Variants in NT5DC4 observed in about 807,000 individuals in gnomAD.
The protein encoded by NT5DC4 is 5'-nucleotidase domain containing 4, also known as 5'-nucleotidase domain-containing protein 4.
NT5DC4 carries 44 observed loss-of-function variants against 26.6 expected under a neutral mutation model. The ratio of observed to expected loss-of-function variants is 1.65; its 90% CI spans 1.30 to 2.13. The LOEUF is 2.13. Ranked by LOEUF, NT5DC4 falls within the 30% of genes most tolerant of loss-of-function variation. The pLI is 0.00. For missense variants in NT5DC4, 399 were observed against 228.1 expected, an observed-to-expected ratio of 1.75 and a Z score of -4.83; for synonymous variants, 157 against 86.7, an observed-to-expected ratio of 1.81 and a Z score of -4.51.
At chr2:112,724,538 T>C (rs898890005) in intron 10 of NT5DC4, 1 of 583,112 alleles carries the variant, frequency 1.7e-6, no homozygotes, top group African/African-American at 1.9e-5. Context: ...TGTGAGGAGC[T>C]CTGGAGCCTG....
upstream of NT5DC4, among the ~76,000 whole-genome samples, chr2:112,719,946 CTT>C (rs1368657433): frequency 2.1e-4 from 22 of 103,402 alleles, no homozygotes; most frequent in African/African-American, 9.1e-4. Flanking sequence ...TTCTTTCTTT[CTT>C]TCTTTCTTTC....
chr2:112,733,552 C>A (rs931852591), intron 16 of NT5DC4, among the ~76,000 whole-genome samples: 1 of 152,240 alleles, frequency 6.6e-6, no homozygotes, highest in African/African-American at 2.4e-5. Context: ...TCTCTTCCCC[C>A]TTCCAGCTGG....
chr2:112,726,310 G>C (rs1054411661), intron 14 of NT5DC4, 21 bp downstream of exon 14: 1 of 717,270 alleles, frequency 1.4e-6, no homozygotes, highest in Non-Finnish European at 2.6e-6. Flanking sequence ...GGCCTTTCTG[G>C]GGGTGGGATG....
At chr2:112,724,577 C>A (rs376799969) in intron 10 of NT5DC4, 2 of 595,220 alleles carry the variant, frequency 3.4e-6, no homozygotes, top group South Asian at 4.0e-5. Flanking sequence ...TGTTCAACAC[C>A]CACCTCCACA....
intron 16 of NT5DC4, 111 bp downstream of exon 16, chr2:112,729,815 GC>G: frequency 3.0e-6 from 2 of 664,826 alleles, no homozygotes; most frequent in Non-Finnish European, 5.6e-6. Context: ...TGGTGGGGGG[GC>G]TTGTGGGCTT....
Position 112,722,021 on chromosome 2 carries a change from G to C in NT5DC4, c.184G>C (p.Glu62Gln). 2 of 717,212 alleles carry C rather than the reference G, an allele frequency of 2.8e-6. No individual in the cohort carries two copies. The highest frequency in any genetic ancestry group is 4.6e-4 in the Middle Eastern group (2 of 4,372). 44.4% of individuals were successfully genotyped at this position (717,212 alleles called of 1,614,324 possible). The change falls in exon 3 of 17, where the codon GAG (glutamate) becomes CAG (glutamine). Residue 62 changes from glutamate (E) to glutamine (Q), a missense_variant. Transcript: ENST00000688554. ...KSPAYEALTF[E>Q]LLLERLVCIG... ...CCCAGCTTATGAGGCCCTGACCTTCGAGCTGCTGCTGGAGCGCCTGGTGTG... is the reference window on the plus strand; with the variant it reads ...CCCAGCTTATGAGGCCCTGACCTTCCAGCTGCTGCTGGAGCGCCTGGTGTG...
intron 13 of NT5DC4, 42 bp from the exon 14 acceptor site, chr2:112,726,196 C>G (rs1311472091): frequency 3.3e-5 from 24 of 716,724 alleles, no homozygotes. Context: ...GTGGGTGACA[C>G]AGGCCGTCAC....
In NT5DC4 at chr2:112,722,546, C is replaced by T. The variant is rs753998118; in HGVS notation, c.426C>T (p.Asp142=). 5.6e-6 allele frequency: 4 copies of T among 717,424 alleles called. No individual in the cohort carries two copies. In the South Asian group the frequency reaches 5.9e-5, roughly 11 times the overall value. The allele number at this position is 717,424 out of a possible 1,614,324, so 44.4% of individuals were successfully genotyped here. A position where few individuals can be genotyped will look rare whatever the true frequency, so the allele number is the denominator to read the frequency against. ...FYPSKFIQRD[D]LQCFYILNML... ...CCAGCAAGTTCATTCAGAGGGACGA[C>T]CTGCAGTGTTTCTACATACTCAACA... The change falls in exon 5 of 17, where the codon GAC becomes GAT. Residue 142 remains aspartate (D), a synonymous_variant. Transcript: ENST00000688554.
At chr2:112,738,516 T>C (rs1558749264) in intron 16 of NT5DC4, 1 of 270,386 alleles carries the variant, frequency 3.7e-6, no homozygotes, top group Non-Finnish European at 7.0e-6. Flanking sequence ...CCTTCTGATA[T>C]AAAAAACTAT....
In NT5DC4 at chr2:112,724,842, A is replaced by T; in HGVS notation, c.851A>T (p.Lys284Met). The T allele has an allele frequency of 1.4e-6, 1 of 717,214 alleles. No homozygotes were observed. Among genetic ancestry groups the T allele is most frequent in the East Asian group, 2.7e-5 (1 of 37,284 alleles). The allele number at this position is 717,214 out of a possible 1,614,324, so 44.4% of individuals were successfully genotyped here. Reference protein sequence around the residue: ...YFDLIVVDTQKPHFFAEGLVL... With the variant: ...YFDLIVVDTQMPHFFAEGLVL... ...GACCTGATCGTGGTGGACACGCAGAAGCCCCACTTCTTTGCAGAGGGGTTG... is the reference window on the plus strand; with the variant it reads ...GACCTGATCGTGGTGGACACGCAGATGCCCCACTTCTTTGCAGAGGGGTTG... The change falls in exon 11 of 17, where the codon AAG (lysine) becomes ATG (methionine). Residue 284 changes from lysine (K) to methionine (M), a missense_variant. Physicochemically the swap from Lys to Met is moderately conservative, Grantham distance 95 (BLOSUM62 -1). Transcript: ENST00000688554.
downstream of NT5DC4, chr2:112,740,745 C>G (rs1679880406): frequency 2.4e-6 from 3 of 1,267,630 alleles, no homozygotes; most frequent in South Asian, 4.1e-5. Flanking sequence ...TACTCTAGAT[C>G]TGTGAAGGAA....
chr2:112,737,751 T>C (rs752843845), intron 16 of NT5DC4: 1 of 152,148 alleles, frequency 6.6e-6, no homozygotes, highest in Non-Finnish European at 1.5e-5. Context: ...CCATTCTCCT[T>C]GGTAATGAAT....
At chr2:112,736,416 AGAT>A (rs1679178653) in intron 16 of NT5DC4, among the ~76,000 whole-genome samples, 1 of 152,162 alleles carries the variant, frequency 6.6e-6, no homozygotes, top group Non-Finnish European at 1.5e-5. Flanking sequence ...GGATACATAT[AGAT>A]AATAAAATGG....
intron 16 of NT5DC4, among the ~76,000 whole-genome samples, chr2:112,734,892 G>A (rs532201924): frequency 2.1e-4 from 32 of 152,194 alleles, no homozygotes; most frequent in East Asian, 9.7e-4. Flanking sequence ...GTTTCACTAC[G>A]TTGGCCAGGC....
At chr2:112,730,739 T>C (rs1454867884) in intron 16 of NT5DC4, among the ~76,000 whole-genome samples, 1 of 152,206 alleles carries the variant, frequency 6.6e-6, no homozygotes, top group Non-Finnish European at 1.5e-5. Flanking sequence ...TGTTTGTTCT[T>C]TCAACCAGTA....
chr2:112,723,359 A>C, intron 7 of NT5DC4, 59 bp from the exon 8 acceptor site: 1 of 680,366 alleles, frequency 1.5e-6, no homozygotes, highest in Non-Finnish European at 2.7e-6. Flanking sequence ...GTGGGTACAC[A>C]TGCACACACA....
chr2:112,733,215 T>C (rs1284514811), intron 16 of NT5DC4, among the ~76,000 whole-genome samples: 2 of 151,342 alleles, frequency 1.3e-5, no homozygotes, highest in South Asian at 2.1e-4. Flanking sequence ...TCCTACCTCA[T>C]GGGTAGGAGG....
intron 16 of NT5DC4, among the ~76,000 whole-genome samples, chr2:112,734,347 A>G (rs746048650): frequency 6.6e-6 from 1 of 152,190 alleles, no homozygotes; most frequent in Admixed American, 6.5e-5. Context: ...AGTCAAATCA[A>G]TGTCATTGGA....
At chr2:112,725,070 C>T in intron 11 of NT5DC4, 104 bp from the exon 12 acceptor site, 1 of 653,776 alleles carries the variant, frequency 1.5e-6, no homozygotes, top group Non-Finnish European at 2.9e-6. Context: ...TCCTCCCACA[C>T]CCCCCATGGT....
Sources: allele counts gnomAD v4.1 joint callset (sites outside exome capture counted in the v4.1 genomes callset), GRCh38; gene constraint gnomAD v4.1.1; transcripts MANE v1.5; gene names NCBI Gene and HGNC (gene_info 2026-07-23, HGNC 2026-07-21).